Variants in MAML2 observed in about 807,000 individuals in gnomAD.
MAML2 encodes mastermind like transcriptional coactivator 2.
A neutral mutation model predicts 96.1 loss-of-function variants in MAML2; 22 were observed. The ratio of observed to expected loss-of-function variants is 0.23; its 90% CI spans 0.16 to 0.33. The LOEUF is 0.33. Ranked by LOEUF, MAML2 falls within the 10% of genes least tolerant of loss-of-function variation. The probability of loss-of-function intolerance (pLI) is 1.00; values close to 1 mark genes in which losing one functional copy is unlikely to be tolerated. For synonymous variants in MAML2, 561 were observed against 521.3 expected (o/e 1.08, Z -1.04); for missense variants, 1,367 against 1,392.4 (o/e 0.98, Z 0.29).
intron 2 of MAML2, among the ~76,000 whole-genome samples, chr11:96,033,136 A>C (rs1858646326): frequency 6.6e-6 from 1 of 152,226 alleles, no homozygotes; most frequent in Non-Finnish European, 1.5e-5. Context: ...CACTTTTTAC[A>C]AAATGGCATG....
chr11:96,325,797 G>A (rs899011746), intron 1 of MAML2, among the ~76,000 whole-genome samples: 2 of 152,052 alleles, frequency 1.3e-5, no homozygotes, highest in Admixed American at 6.5e-5. Flanking sequence ...TGGAAATGTC[G>A]GAATCAACAT....
chr11:96,166,806 C>T (rs934697266), intron 1 of MAML2, among the ~76,000 whole-genome samples: 4 of 152,146 alleles, frequency 2.6e-5, no homozygotes, highest in African/African-American at 7.2e-5. Flanking sequence ...CAAGGTGACT[C>T]CTCTATTAGA....
intron 1 of MAML2, among the ~76,000 whole-genome samples, chr11:96,165,941 G>A (rs1861181578): frequency 6.6e-6 from 1 of 152,188 alleles, no homozygotes; most frequent in Non-Finnish European, 1.5e-5. Flanking sequence ...GCCTTAGGCA[G>A]GATATTTGTG....
intron 1 of MAML2, among the ~76,000 whole-genome samples, chr11:96,285,118 T>C (rs1427826139): frequency 6.6e-6 from 1 of 152,174 alleles, no homozygotes; most frequent in Non-Finnish European, 1.5e-5. Flanking sequence ...TGAGTGAGTA[T>C]TCAAACCATG....
In MAML2 at chr11:96,116,193, A is replaced by G. The variant is rs141458951; in HGVS notation, c.514-22676T>C. 2.0e-5 allele frequency among the ~76,000 whole-genome samples: 3 copies of G among 152,324 alleles called. No homozygotes were observed. In the East Asian group the frequency reaches 5.8e-4, roughly 29 times the overall value. Reference sequence around the variant, plus strand: ...TCTCTTTATACCGCTATAAGTGTGAATAATGCAATTCTGCTTGAAATTCTA... The same window carrying G: ...TCTCTTTATACCGCTATAAGTGTGAGTAATGCAATTCTGCTTGAAATTCTA... On this transcript the variant is annotated intron_variant, in intron 1 of 4. Transcript: ENST00000524717.
intron 2 of MAML2, among the ~76,000 whole-genome samples, chr11:96,060,056 G>A (rs1399511703): frequency 1.3e-5 from 2 of 152,240 alleles, no homozygotes; most frequent in Non-Finnish European, 2.9e-5. Context: ...AAAGCCAAGA[G>A]GGAAGAGGAA....
intron 1 of MAML2, among the ~76,000 whole-genome samples, chr11:96,331,783 A>C (rs1343355047): frequency 6.7e-6 from 1 of 148,358 alleles, no homozygotes; most frequent in Non-Finnish European, 1.5e-5. Flanking sequence ...GCACTGCTGC[A>C]CTCCAGCGTG....
chr11:96,321,724 C>A (rs1370527900), intron 1 of MAML2, among the ~76,000 whole-genome samples: 3 of 152,164 alleles, frequency 2.0e-5, no homozygotes, highest in African/African-American at 7.2e-5. Flanking sequence ...CTTCTTTGAG[C>A]CATTCTGTTC....
chr11:96,012,624 T>A lies in MAML2; in HGVS notation c.2140-20901A>T, dbSNP rs1282266100. ...AACATAATAAGCCGTTAACTCCACA[T>A]CTGCTTACTAGATTATGTTCAAAGA... On this transcript the variant is annotated intron_variant, in intron 2 of 4. Coordinates refer to ENST00000524717, the MANE Select transcript of MAML2 (RefSeq NM_032427.4). Among the ~76,000 whole-genome samples the A allele has an allele frequency of 2.0e-5, 3 of 152,194 alleles. No individual in the cohort carries two copies. In the East Asian group the frequency reaches 5.8e-4, roughly 29 times the overall value.
At chr11:96,327,701 G>A (rs1410624099) in intron 1 of MAML2, among the ~76,000 whole-genome samples, 1 of 151,956 alleles carries the variant, frequency 6.6e-6, no homozygotes, top group African/African-American at 2.4e-5. Flanking sequence ...TTACAGGCAT[G>A]AGCAACTGCG....
intron 1 of MAML2, among the ~76,000 whole-genome samples, chr11:96,208,665 A>C: frequency 6.6e-6 from 1 of 152,326 alleles, no homozygotes; most frequent in African/African-American, 2.4e-5. Context: ...AAGTTCTTTA[A>C]CACCCCCCAA....
intron 2 of MAML2, among the ~76,000 whole-genome samples, chr11:96,036,964 G>T (rs914303006): frequency 2.0e-5 from 3 of 152,172 alleles, no homozygotes; most frequent in African/African-American, 7.2e-5. Context: ...ATAAGTGAAA[G>T]CGGAGTAGAT....
At chr11:96,149,670 G>T (rs2135875989) in intron 1 of MAML2, among the ~76,000 whole-genome samples, 1 of 152,194 alleles carries the variant, frequency 6.6e-6, no homozygotes, top group South Asian at 2.1e-4. Flanking sequence ...GTAGGCGGAG[G>T]TTGCAGTAAG....
In MAML2 at chr11:96,322,647, G is replaced by C. The variant is rs532310566; in HGVS notation, c.513+18736C>G. On this transcript the variant is annotated intron_variant, in intron 1 of 4. Transcript: ENST00000524717. ...GCGGAGCTTGCAGTGAGCCGAGATC[G>C]CGCCACTGCACTCCACCCTGGGGGC... Among the ~76,000 whole-genome samples the C allele has an allele frequency of 1.8e-4, 28 of 152,242 alleles. 1 individual carries two copies. The highest frequency in any genetic ancestry group is 6.3e-4 in the African/African-American group (26 of 41,554).
chr11:96,033,020 G>A (rs531079861), intron 2 of MAML2, among the ~76,000 whole-genome samples: 1 of 152,338 alleles, frequency 6.6e-6, no homozygotes, highest in South Asian at 2.1e-4. Flanking sequence ...GAAATTTGTA[G>A]CATGTAAATT....
chr11:96,223,895 G>C (rs915605990), intron 1 of MAML2, among the ~76,000 whole-genome samples: 6 of 152,206 alleles, frequency 3.9e-5, no homozygotes, highest in African/African-American at 1.4e-4. Context: ...AAAAGTGTAA[G>C]AGACAGCAGC....
chr11:96,066,251 A>G (rs1366260567), intron 2 of MAML2, among the ~76,000 whole-genome samples: 1 of 152,186 alleles, frequency 6.6e-6, no homozygotes, highest in African/African-American at 2.4e-5. Flanking sequence ...AATAGTGCCA[A>G]TGAGTCTGTA....
chr11:96,324,438 T>C (rs1423034124), intron 1 of MAML2, among the ~76,000 whole-genome samples: 1 of 152,208 alleles, frequency 6.6e-6, no homozygotes, highest in African/African-American at 2.4e-5. Context: ...TATTTCACAT[T>C]TGGTGTACAA....
At chr11:96,297,879 A>G (rs1863325119) in intron 1 of MAML2, among the ~76,000 whole-genome samples, 1 of 152,192 alleles carries the variant, frequency 6.6e-6, no homozygotes, top group Non-Finnish European at 1.5e-5. Context: ...TGTCACTATT[A>G]TACTTAAAAA....
Sources: allele counts gnomAD v4.1 joint callset (sites outside exome capture counted in the v4.1 genomes callset), GRCh38; gene constraint gnomAD v4.1.1; transcripts MANE v1.5; gene names NCBI Gene and HGNC (gene_info 2026-07-23, HGNC 2026-07-21).